The following CSRNP2 variants were observed in gnomAD, a reference collection of about 807,000 sequenced individuals.
CSRNP2 encodes the protein cysteine/serine-rich nuclear protein 2.
Under a neutral mutation model 36.6 loss-of-function variants are expected in CSRNP2, and 11 were observed. The observed-to-expected ratio is 0.30, with a 90% confidence interval of 0.19 to 0.50. CSRNP2 has a LOEUF of 0.50. Among genes scored for constraint, CSRNP2 ranks in the 20% least tolerant of loss-of-function variants. The probability of loss-of-function intolerance (pLI) is 0.98; values close to 1 mark genes in which losing one functional copy is unlikely to be tolerated. For synonymous variants in CSRNP2, 248 were observed against 275.3 expected (o/e 0.90, Z 0.98); for missense variants, 483 against 691.4 (o/e 0.70, Z 3.38).
intron 4 of CSRNP2, among the ~76,000 whole-genome samples, chr12:51,065,037 G>A (rs548853064): frequency 2.0e-5 from 3 of 152,274 alleles, no homozygotes; most frequent in East Asian, 1.9e-4. Flanking sequence ...GGAAATTTAC[G>A]AGCCTCAGAG....
At chr12:51,069,181 T>A (rs1252317199) in intron 3 of CSRNP2, among the ~76,000 whole-genome samples, 1 of 151,988 alleles carries the variant, frequency 6.6e-6, no homozygotes, top group Non-Finnish European at 1.5e-5. Flanking sequence ...TTCACCGTGT[T>A]AGCCAGGATG....
chr12:51,064,988 T>C (rs1937988513), intron 4 of CSRNP2, among the ~76,000 whole-genome samples: 1 of 151,942 alleles, frequency 6.6e-6, no homozygotes, highest in South Asian at 2.1e-4. Context: ...CAGTTAAGAG[T>C]CCAGAGATAC....
intron 1 of CSRNP2, among the ~76,000 whole-genome samples, chr12:51,077,591 A>C (rs780649056): frequency 6.6e-6 from 1 of 152,172 alleles, no homozygotes; most frequent in Non-Finnish European, 1.5e-5. Flanking sequence ...GATCTTCATA[A>C]GTGTAAAGTG....
chr12:51,072,928 TG>T (rs1592763275), intron 3 of CSRNP2, among the ~76,000 whole-genome samples: 1 of 151,896 alleles, frequency 6.6e-6, no homozygotes, highest in East Asian at 1.9e-4. Flanking sequence ...AAAAATAAAT[TG>T]GGGGCGGGGG....
chr12:51,076,425 G>A lies in CSRNP2; in HGVS notation c.137C>T (p.Thr46Ile), dbSNP rs759825758. 1.9e-6 allele frequency: 3 copies of A among 1,614,124 alleles called. No homozygotes were observed. The South Asian group carries it at 3.3e-5, about 18-fold the overall frequency. ...AGCTTACTCACGTGTGAAGCTGGCA[G>A]TGGTAGGAGGATTGAGGCTGTCGCA... The part of the protein sequence containing the change: ...DSCDSLNPPT[T>I]ASFTPTSILK... Residue 46 changes from threonine to isoleucine, a missense_variant, in exon 2 of 5, where the codon ACT (threonine) becomes ATT (isoleucine). Physicochemically the swap from Thr to Ile is moderately conservative, Grantham distance 89. Around this residue, in one of 2 missense-constraint regions of CSRNP2, gnomAD observed 206 missense variants for 367.8 expected, o/e 0.56. Transcript: ENST00000228515.
rs1334302540 is a variant in CSRNP2 at position 51,064,213 on chromosome 12, A to G, written c.1165T>C (p.Ser389Pro). ...TTCTCGGTAAAACACAGGACAGAGG[A>G]GCCTGGGGGCAGCTGAGCCTGGATG... ...ILIQAQLPPGSSVLCFTENSD... is the reference protein window; with the variant it reads ...ILIQAQLPPGPSVLCFTENSD... Residue 389 changes from serine (S) to proline (P), a missense_variant, in exon 5 of 5, where the codon TCC (serine) becomes CCC (proline). Transcript: ENST00000228515. The G allele has an allele frequency of 1.2e-6, 2 of 1,613,830 alleles. No individual in the cohort carries two copies. The highest frequency in any genetic ancestry group is 2.2e-5 in the East Asian group (1 of 44,860).
chr12:51,075,111 T>C (rs905828290), intron 2 of CSRNP2, among the ~76,000 whole-genome samples: 5 of 152,076 alleles, frequency 3.3e-5, no homozygotes, highest in Admixed American at 6.5e-5. Context: ...ACCATATTTC[T>C]TTATTTTCTT....
In CSRNP2 at chr12:51,062,881, T is replaced by C. The variant is rs2136821209; in HGVS notation, c.*865A>G. Reference sequence around the variant, plus strand: ...AAGCAGCCTGTTCCCGCTGCCTCCTTTGGCCACAGTTAATGCTCCACATAG... The same window carrying C: ...AAGCAGCCTGTTCCCGCTGCCTCCTCTGGCCACAGTTAATGCTCCACATAG... On this transcript the variant is annotated 3_prime_UTR_variant, in exon 5 of 5. Coordinates refer to ENST00000228515, the MANE Select transcript of CSRNP2 (RefSeq NM_030809.3). 1 of 152,668 alleles carries C rather than the reference T, an allele frequency of 6.6e-6. No homozygotes were observed. 9.5% of individuals were successfully genotyped at this position (152,668 alleles called of 1,614,324 possible).
chr12:51,076,261 A>G, intron 2 of CSRNP2, 150 bp downstream of exon 2: 2 of 793,360 alleles, frequency 2.5e-6, no homozygotes, highest in Middle Eastern at 3.8e-4. Context: ...ACTTTAGTCT[A>G]CGGTATGAGA....
At chr12:51,070,309 G>C (rs1192146584) in intron 3 of CSRNP2, among the ~76,000 whole-genome samples, 1 of 152,164 alleles carries the variant, frequency 6.6e-6, no homozygotes, top group Non-Finnish European at 1.5e-5. Context: ...AGGTGGTAGA[G>C]AAATGAAGAG....
Position 51,073,764 on chromosome 12 carries a change from C to T in CSRNP2, c.411+59G>A, listed in dbSNP as rs1452859759. 5 of 1,511,376 alleles carry T rather than the reference C, an allele frequency of 3.3e-6. No homozygotes were observed. In the East Asian group the frequency reaches 9.1e-5, roughly 27 times the overall value. The allele number at this position is 1,511,376 out of a possible 1,614,324, so 93.6% of individuals were successfully genotyped here. On this transcript the variant is annotated intron_variant, in intron 3 of 4. Coordinates refer to ENST00000228515, the MANE Select transcript of CSRNP2 (RefSeq NM_030809.3). ...AAAAAAAAATCAATCAACCAACCAACCAATGAACCTAAATGGTTTCCTACA... is the reference window on the plus strand; with the variant it reads ...AAAAAAAAATCAATCAACCAACCAATCAATGAACCTAAATGGTTTCCTACA...
intron 3 of CSRNP2, among the ~76,000 whole-genome samples, chr12:51,073,496 C>G (rs575253290): frequency 3.7e-4 from 56 of 151,874 alleles, no homozygotes; most frequent in Non-Finnish European, 7.4e-4. Context: ...CTTTGGGAGG[C>G]CGAGGCAGGT....
intron 3 of CSRNP2, among the ~76,000 whole-genome samples, chr12:51,070,282 T>A (rs1939004877): frequency 6.6e-6 from 1 of 152,120 alleles, no homozygotes; most frequent in African/African-American, 2.4e-5. Flanking sequence ...CACACCTGGT[T>A]TTCTTGTTTG....
intron 2 of CSRNP2, among the ~76,000 whole-genome samples, chr12:51,075,494 T>C (rs1046187278): frequency 6.6e-6 from 1 of 152,186 alleles, no homozygotes; most frequent in Non-Finnish European, 1.5e-5. Flanking sequence ...ATTTCTATCA[T>C]AACAGAAAAT....
chr12:51,079,358 TAAAA>T (rs879833809), intron 1 of CSRNP2, among the ~76,000 whole-genome samples: 1 of 142,446 alleles, frequency 7.0e-6, no homozygotes, highest in African/African-American at 2.6e-5. Flanking sequence ...CTTAAAGTAT[TAAAA>T]AAAAAAAAAG....
intron 1 of CSRNP2, among the ~76,000 whole-genome samples, chr12:51,080,745 T>A (rs1050196051): frequency 1.3e-5 from 2 of 152,102 alleles, no homozygotes; most frequent in South Asian, 4.1e-4. Flanking sequence ...ACCATTTTTT[T>A]AAAAAGAAAA....
At chr12:51,078,083 T>C (rs772302493) in intron 1 of CSRNP2, among the ~76,000 whole-genome samples, 2 of 152,220 alleles carry the variant, frequency 1.3e-5, no homozygotes, top group East Asian at 1.9e-4. Flanking sequence ...TTGCTAATTA[T>C]GCAGCAGGAA....
chr12:51,069,935 C>A (rs1424983412), intron 3 of CSRNP2, among the ~76,000 whole-genome samples: 3 of 151,754 alleles, frequency 2.0e-5, no homozygotes, highest in African/African-American at 7.3e-5. Context: ...CTCCTGTCCT[C>A]ATGATCCGCC....
In CSRNP2 at chr12:51,063,846, C is replaced by T. The variant is rs759341085; in HGVS notation, c.1532G>A (p.Arg511His). The change falls in exon 5 of 5, where the codon CGC becomes CAC. Residue 511 changes from arginine (R) to histidine (H), a missense_variant. Physicochemically the swap from Arg to His is conservative, Grantham distance 29. This residue lies in a region of CSRNP2 where 277 missense variants were observed against 323.6 expected (regional missense o/e 0.86). Coordinates refer to ENST00000228515, the MANE Select transcript of CSRNP2 (RefSeq NM_030809.3). ...PSWSPSSLPF[R>H]TDNEEGCGMV... ...CCCACAGCCCTCTTCATTGTCCGTG[C>T]GGAAGGGGAGGCTTGAGGGGGACCA... 1.8e-5 allele frequency: 29 copies of T among 1,613,724 alleles called. No individual in the cohort carries two copies. The highest frequency in any genetic ancestry group is 4.0e-5 in the African/African-American group (3 of 74,860).
Sources: gnomAD v4.1 joint callset for allele counts (sites outside exome capture counted in the v4.1 genomes callset) on GRCh38, gnomAD v4.1.1 for gene constraint, gnomAD v4.1.1 regional missense constraint, MANE v1.5 for transcripts, NCBI Gene and HGNC (gene_info 2026-07-23, HGNC 2026-07-21) for gene names.